Variants in PTPRD observed in about 807,000 individuals in gnomAD.
PTPRD encodes the protein receptor-type tyrosine-protein phosphatase delta.
In PTPRD, 34 loss-of-function variants were observed where a neutral mutation model predicts 214.5. That is an observed-to-expected ratio of 0.16 (90% CI 0.12 to 0.21). The LOEUF (loss-of-function observed/expected upper bound fraction) is 0.21, where lower values mean the gene tolerates loss of function less well. Ranked by LOEUF, PTPRD falls within the 10% of genes least tolerant of loss-of-function variation. PTPRD has a pLI of 1.00. For synonymous variants in PTPRD, 1,128 were observed against 845.7 expected, an observed-to-expected ratio of 1.33 and a Z score of -5.79; for missense variants, 2,545 against 2,398.7, an observed-to-expected ratio of 1.06 and a Z score of -1.27.
At chr9:10,115,518 A>T (rs2098723531) in intron 3 of PTPRD, among the ~76,000 whole-genome samples, 1 of 152,266 alleles carries the variant, frequency 6.6e-6, no homozygotes, top group East Asian at 1.9e-4. Flanking sequence ...GGACACTGAA[A>T]GTTAACCCAC....
chr9:10,462,441 A>G (rs990851703), intron 2 of PTPRD, among the ~76,000 whole-genome samples: 1 of 152,180 alleles, frequency 6.6e-6, no homozygotes, highest in African/African-American at 2.4e-5. Context: ...AATTCACCAA[A>G]CACACACATC....
At chr9:9,575,307 T>C (rs1315916162) in intron 7 of PTPRD, among the ~76,000 whole-genome samples, 1 of 152,168 alleles carries the variant, frequency 6.6e-6, no homozygotes, top group Non-Finnish European at 1.5e-5. Flanking sequence ...TACTCCATCG[T>C]TCACTGTACA....
At chr9:9,439,370 T>A (rs890952679) in intron 8 of PTPRD, among the ~76,000 whole-genome samples, 1 of 152,128 alleles carries the variant, frequency 6.6e-6, no homozygotes, top group Non-Finnish European at 1.5e-5. Flanking sequence ...CCAAAGAAAC[T>A]GAGGATCAGG....
chr9:9,158,764 A>G (rs777645547), intron 10 of PTPRD, among the ~76,000 whole-genome samples: 43 of 152,228 alleles, frequency 2.8e-4, no homozygotes, highest in Non-Finnish European at 5.6e-4. Context: ...AAAAGAAAAA[A>G]TTACAGGCTA....
At chr9:9,854,503 T>A (rs1285437212) in intron 5 of PTPRD, among the ~76,000 whole-genome samples, 1 of 148,950 alleles carries the variant, frequency 6.7e-6, no homozygotes, top group Non-Finnish European at 1.5e-5. Flanking sequence ...AAAAAAGATA[T>A]CTAATTTTTT....
At chr9:8,420,076 A>G (rs947514638) in intron 35 of PTPRD, among the ~76,000 whole-genome samples, 1 of 152,152 alleles carries the variant, frequency 6.6e-6, no homozygotes, top group Admixed American at 6.5e-5. Context: ...CAAAAATGCC[A>G]GTCCCATTAA....
At chr9:8,425,125 T>C (rs1047895732) in intron 35 of PTPRD, among the ~76,000 whole-genome samples, 2 of 152,228 alleles carry the variant, frequency 1.3e-5, no homozygotes, top group Non-Finnish European at 2.9e-5. Context: ...ACTACCATTT[T>C]ATAATTTTAC....
intron 5 of PTPRD, among the ~76,000 whole-genome samples, chr9:9,867,817 G>A (rs1352165071): frequency 6.6e-6 from 1 of 152,244 alleles, no homozygotes; most frequent in East Asian, 1.9e-4. Flanking sequence ...TAAAAGCATG[G>A]CAACCAGTGA....
intron 9 of PTPRD, among the ~76,000 whole-genome samples, chr9:9,268,786 G>C (rs1941393559): frequency 6.8e-6 from 1 of 147,610 alleles, no homozygotes; most frequent in Admixed American, 6.8e-5. Context: ...TATGGTGCCA[G>C]GAAAACTTGA....
intron 4 of PTPRD, among the ~76,000 whole-genome samples, chr9:9,957,669 A>G (rs1320233382): frequency 1.3e-5 from 2 of 152,228 alleles, no homozygotes; most frequent in East Asian, 3.9e-4. Flanking sequence ...TTAACACAAT[A>G]TTAGTGATAC....
chr9:9,878,033 C>T (rs927083597), intron 5 of PTPRD, among the ~76,000 whole-genome samples: 1 of 151,714 alleles, frequency 6.6e-6, no homozygotes, highest in Non-Finnish European at 1.5e-5. Context: ...ATCGGTTGCC[C>T]CTCTAAAATT....
intron 3 of PTPRD, among the ~76,000 whole-genome samples, chr9:10,103,202 C>T (rs1250446412): frequency 6.6e-6 from 1 of 151,304 alleles, no homozygotes; most frequent in Non-Finnish European, 1.5e-5. Context: ...GCACTAATAT[C>T]TGCACATGCT....
intron 3 of PTPRD, among the ~76,000 whole-genome samples, chr9:10,097,023 G>A (rs2098496628): frequency 6.6e-6 from 1 of 151,756 alleles, no homozygotes; most frequent in Non-Finnish European, 1.5e-5. Context: ...GTTTTGGTCA[G>A]GTTTGTCAAA....
At chr9:8,679,899 T>C (rs1484810685) in intron 12 of PTPRD, among the ~76,000 whole-genome samples, 1 of 152,212 alleles carries the variant, frequency 6.6e-6, no homozygotes, top group Non-Finnish European at 1.5e-5. Context: ...TGCACAAATG[T>C]ACTAATTCTA....
At chr9:9,565,853 A>G (rs1389432656) in intron 8 of PTPRD, among the ~76,000 whole-genome samples, 1 of 152,022 alleles carries the variant, frequency 6.6e-6, no homozygotes, top group African/African-American at 2.4e-5. Flanking sequence ...TGGAATACAG[A>G]GAAATGAGAT....
chr9:8,675,204 C>G (rs1255814531), intron 12 of PTPRD, among the ~76,000 whole-genome samples: 1 of 152,092 alleles, frequency 6.6e-6, no homozygotes, highest in Non-Finnish European at 1.5e-5. Context: ...GGCTCCCAAC[C>G]TTTCTCCCCT....
At chr9:8,764,666 G>A (rs1399416303) in intron 11 of PTPRD, among the ~76,000 whole-genome samples, 2 of 151,892 alleles carry the variant, frequency 1.3e-5, no homozygotes, top group Admixed American at 6.6e-5. Flanking sequence ...ATAGTGGTGC[G>A]TGCCTGTAAT....
At chr9:10,560,791 C>G (rs79909085) in intron 2 of PTPRD, among the ~76,000 whole-genome samples, 2,030 of 152,180 alleles carry the variant, frequency 0.013, 20 homozygotes, top group South Asian at 0.035. Flanking sequence ...TTTAGTTCCT[C>G]TGTCACACTA....
intron 2 of PTPRD, among the ~76,000 whole-genome samples, chr9:10,563,392 C>T (rs1590996563): frequency 6.6e-6 from 1 of 152,106 alleles, no homozygotes; most frequent in African/African-American, 2.4e-5. Flanking sequence ...ACTATCCAGC[C>T]ATATGTACAC....
Sources: allele counts gnomAD v4.1 joint callset (sites outside exome capture counted in the v4.1 genomes callset), GRCh38; gene constraint gnomAD v4.1.1; transcripts MANE v1.5; gene names NCBI Gene and HGNC (gene_info 2026-07-23, HGNC 2026-07-21).